The following ARB2A variants were observed in gnomAD, a reference collection of about 807,000 sequenced individuals.
ARB2A encodes ARB2 cotranscriptional regulator A.
At chr5:93,865,946 C>A in the ARB2A span, 1 of 985,296 alleles carries the variant, frequency 1.0e-6, no homozygotes, top group East Asian at 1.1e-4. Flanking sequence ...AGTGTATACA[C>A]AGCACAACTC....
the ARB2A span, among the ~76,000 whole-genome samples, chr5:93,715,726 T>G: frequency 6.6e-6 from 1 of 151,908 alleles, no homozygotes; most frequent in African/African-American, 2.4e-5. Context: ...CTAATAAATT[T>G]GGCACGCAAT....
At chr5:93,641,055 C>T in the ARB2A span, among the ~76,000 whole-genome samples, 394 of 151,968 alleles carry the variant, frequency 2.6e-3, 2 homozygotes, top group South Asian at 0.012. Flanking sequence ...CAAAAATTAG[C>T]CAGGCATGGT....
At chr5:93,757,318 A>G in the ARB2A span, among the ~76,000 whole-genome samples, 10 of 152,216 alleles carry the variant, frequency 6.6e-5, no homozygotes, top group African/African-American at 2.4e-4. Context: ...GGAATAATCC[A>G]GGAAAACTTA....
the ARB2A span, among the ~76,000 whole-genome samples, chr5:93,867,703 G>A: frequency 6.6e-6 from 1 of 151,964 alleles, no homozygotes; most frequent in Admixed American, 6.6e-5. Flanking sequence ...GCAAATTCAG[G>A]TATAAGAATT....
chr5:93,741,563 T>C, the ARB2A span: 33 of 1,538,816 alleles, frequency 2.1e-5, no homozygotes, highest in Non-Finnish European at 1.1e-5. Context: ...TGTCCGGCCA[T>C]GGGTGGAATG....
the ARB2A span, among the ~76,000 whole-genome samples, chr5:94,029,798 C>T: frequency 6.6e-6 from 1 of 152,300 alleles, no homozygotes; most frequent in African/African-American, 2.4e-5. Context: ...CATTAGTGAT[C>T]CTAATCTGAA....
the ARB2A span, among the ~76,000 whole-genome samples, chr5:93,774,908 C>T: frequency 6.6e-6 from 1 of 152,118 alleles, no homozygotes; most frequent in Non-Finnish European, 1.5e-5. Context: ...TGTATTTCAT[C>T]TAGGAGCAAT....
At chr5:93,882,620 A>G in the ARB2A span, among the ~76,000 whole-genome samples, 1 of 151,438 alleles carries the variant, frequency 6.6e-6, no homozygotes, top group African/African-American at 2.4e-5. Flanking sequence ...GAGAAAATAT[A>G]GAGAGGGATA....
chr5:93,652,311 G>A, the ARB2A span, among the ~76,000 whole-genome samples: 1 of 152,210 alleles, frequency 6.6e-6, no homozygotes, highest in Admixed American at 6.5e-5. Context: ...AAGTTGAAAT[G>A]CTTACATTGG....
chr5:93,940,555 T>A, the ARB2A span, among the ~76,000 whole-genome samples: 10 of 152,162 alleles, frequency 6.6e-5, no homozygotes, highest in South Asian at 2.1e-4. Flanking sequence ...TAATATTTTT[T>A]AAATTCCTTC....
At chr5:93,716,163 A>ATTC in the ARB2A span, among the ~76,000 whole-genome samples, 1 of 152,216 alleles carries the variant, frequency 6.6e-6, no homozygotes, top group East Asian at 1.9e-4. Context: ...CCTACTTCAG[A>ATTC]GACCCTCTAC....
At chr5:93,930,850 G>A in the ARB2A span, among the ~76,000 whole-genome samples, 1 of 152,046 alleles carries the variant, frequency 6.6e-6, no homozygotes, top group Non-Finnish European at 1.5e-5. Context: ...TTTAAGTTCT[G>A]GGATACAAGT....
chr5:93,992,225 GA>G, the ARB2A span, among the ~76,000 whole-genome samples: 3 of 151,920 alleles, frequency 2.0e-5, no homozygotes, highest in Non-Finnish European at 4.4e-5. Flanking sequence ...CAAAGGCCAA[GA>G]AAATTAATTG....
the ARB2A span, among the ~76,000 whole-genome samples, chr5:94,057,190 G>A: frequency 6.6e-6 from 1 of 152,136 alleles, no homozygotes; most frequent in African/African-American, 2.4e-5. Context: ...TCAATTCTTT[G>A]TAGTAAATAT....
chr5:93,841,311 G>C, the ARB2A span, among the ~76,000 whole-genome samples: 2 of 152,050 alleles, frequency 1.3e-5, no homozygotes, highest in African/African-American at 2.4e-5. Context: ...AACATGGCCA[G>C]ACTTTATTTT....
At chr5:94,047,633 C>T in the ARB2A span, among the ~76,000 whole-genome samples, 2 of 152,036 alleles carry the variant, frequency 1.3e-5, no homozygotes, top group Non-Finnish European at 2.9e-5. Flanking sequence ...TGTAAATAAC[C>T]ATCAAAGTAA....
At chr5:93,823,604 T>C in the ARB2A span, among the ~76,000 whole-genome samples, 2 of 152,128 alleles carry the variant, frequency 1.3e-5, no homozygotes, top group African/African-American at 4.8e-5. Flanking sequence ...TATCATGAAA[T>C]GTATGGAAAC....
the ARB2A span, among the ~76,000 whole-genome samples, chr5:93,771,151 C>T: frequency 6.6e-6 from 1 of 151,962 alleles, no homozygotes; most frequent in African/African-American, 2.4e-5. Context: ...AATAACGCCG[C>T]ATATCTACAA....
chr5:93,711,811 G>T, the ARB2A span, among the ~76,000 whole-genome samples: 1 of 152,356 alleles, frequency 6.6e-6, no homozygotes, highest in Non-Finnish European at 1.5e-5. Context: ...ATTTACAGTA[G>T]AAGGACAGAA....
Sources: allele counts gnomAD v4.1 joint callset (sites outside exome capture counted in the v4.1 genomes callset), GRCh38; gene constraint gnomAD v4.1.1; transcripts MANE v1.5; gene names NCBI Gene and HGNC (gene_info 2026-07-23, HGNC 2026-07-21).